DNAH7: variants seen among roughly 807,000 people sequenced by gnomAD.
DNAH7 encodes dynein axonemal heavy chain 7, also known as axonemal beta dynein heavy chain 7.
DNAH7 carries 397 observed loss-of-function variants against 444.6 expected under a neutral mutation model. That is an observed-to-expected ratio of 0.89 (90% CI 0.82 to 0.97). The LOEUF is 0.97. Among genes scored for constraint, DNAH7 ranks in the 50% least tolerant of loss-of-function variants. The pLI is 0.00. For synonymous variants in DNAH7, 1,636 were observed against 1,624.4 expected (o/e 1.01, Z -0.17); for missense variants, 4,902 against 4,800.8 (o/e 1.02, Z -0.62).
intron 5 of DNAH7, among the ~76,000 whole-genome samples, chr2:196,044,735 G>T (rs866137892): frequency 2.6e-5 from 4 of 152,120 alleles, no homozygotes; most frequent in Middle Eastern, 6.8e-3. Context: ...GACCTTTATA[G>T]ACATGAATAT....
chr2:196,016,572 C>G (rs942803970), intron 9 of DNAH7, among the ~76,000 whole-genome samples: 2 of 152,124 alleles, frequency 1.3e-5, no homozygotes, highest in Non-Finnish European at 2.9e-5. Context: ...GATCCTAGCC[C>G]ATTCTCTGAA....
intron 40 of DNAH7, among the ~76,000 whole-genome samples, chr2:195,871,034 A>G (rs980343212): frequency 1.1e-4 from 17 of 152,162 alleles, no homozygotes; most frequent in Non-Finnish European, 1.2e-4. Flanking sequence ...CATTCAGGCA[A>G]TTAGGTAACC....
intron 4 of DNAH7, 123 bp downstream of exon 4, chr2:196,048,173 T>A: frequency 1.3e-6 from 1 of 768,852 alleles, no homozygotes; most frequent in South Asian, 3.1e-5. Context: ...TTGGGAAAAT[T>A]TTTTTCTACT....
rs1692989364 is a variant in DNAH7 at position 195,740,886 on chromosome 2, C to T, written c.11765-17G>A. The T allele has an allele frequency of 7.0e-7, 1 of 1,435,268 alleles. No homozygotes were observed. The highest frequency in any genetic ancestry group is 9.4e-7 in the Non-Finnish European group (1 of 1,061,520). 88.9% of individuals were successfully genotyped at this position (1,435,268 alleles called of 1,614,324 possible). On this transcript the variant is annotated splice_polypyrimidine_tract_variant and intron_variant, in intron 63 of 64. Transcript: ENST00000312428. ...TGAAAACACCTAAATATAAAAGAAA[C>T]ACATTAATATAACACTTGAAATATG... is the stretch of plus-strand genomic sequence containing the variant.
intron 10 of DNAH7, among the ~76,000 whole-genome samples, chr2:196,010,151 CT>C (rs369388805): frequency 0.028 from 4,019 of 145,002 alleles, 106 homozygotes; most frequent in East Asian, 0.07. Flanking sequence ...CTTTCTCTCT[CT>C]TTTTTTTTTT....
chr2:196,048,464 G>T, intron 3 of DNAH7, 60 bp from the exon 4 acceptor site: 2 of 1,381,916 alleles, frequency 1.4e-6, no homozygotes, highest in Non-Finnish European at 2.0e-6. Flanking sequence ...CTTTTTCCAT[G>T]AAATGCACGA....
intron 45 of DNAH7, among the ~76,000 whole-genome samples, chr2:195,853,843 AT>A (rs1186284113): frequency 2.6e-5 from 4 of 152,170 alleles, no homozygotes; most frequent in Non-Finnish European, 5.9e-5. Context: ...AAATATAGAT[AT>A]TTTCCCTCCA....
At chr2:196,004,213 T>C (rs1389070382) in intron 10 of DNAH7, among the ~76,000 whole-genome samples, 1 of 152,116 alleles carries the variant, frequency 6.6e-6, no homozygotes, top group African/African-American at 2.4e-5. Flanking sequence ...CGAGCAGTGG[T>C]TTACAGGCTA....
At chr2:195,920,880 C>T (rs929978996) in intron 24 of DNAH7, among the ~76,000 whole-genome samples, 6 of 152,028 alleles carry the variant, frequency 3.9e-5, no homozygotes, top group Non-Finnish European at 5.9e-5. Flanking sequence ...AAAAAAATAA[C>T]TAATCCCACA....
At chr2:196,064,950 A>G (rs755914327) in intron 1 of DNAH7, among the ~76,000 whole-genome samples, 2 of 152,206 alleles carry the variant, frequency 1.3e-5, no homozygotes, top group Admixed American at 6.5e-5. Context: ...TCATATATAC[A>G]TACATATGTG....
At chr2:195,798,604 C>A (rs796676731) in intron 55 of DNAH7, among the ~76,000 whole-genome samples, 1 of 135,036 alleles carries the variant, frequency 7.4e-6, no homozygotes, top group Admixed American at 8.4e-5. Context: ...AGTGCTATGG[C>A]GTGATCTCGG....
At chr2:196,061,715 G>A (rs1698144272) in intron 1 of DNAH7, among the ~76,000 whole-genome samples, 1 of 152,144 alleles carries the variant, frequency 6.6e-6, no homozygotes, top group Non-Finnish European at 1.5e-5. Flanking sequence ...AGAGATCGGG[G>A]TGGAGAAAAA....
chr2:195,895,263 T>C, intron 29 of DNAH7, 39 bp from the exon 30 acceptor site: 2 of 1,347,386 alleles, frequency 1.5e-6, no homozygotes, highest in Non-Finnish European at 2.0e-6. Context: ...ATTTTATATA[T>C]TTATATTAAA....
At chr2:196,043,533 T>C (rs189809123) in intron 5 of DNAH7, among the ~76,000 whole-genome samples, 2 of 152,100 alleles carry the variant, frequency 1.3e-5, no homozygotes, top group East Asian at 3.9e-4. Context: ...AATCCAAAAG[T>C]ACATGCAACA....
At chr2:195,869,479 T>A (rs1341833655) in intron 40 of DNAH7, among the ~76,000 whole-genome samples, 1 of 151,954 alleles carries the variant, frequency 6.6e-6, no homozygotes, top group Non-Finnish European at 1.5e-5. Flanking sequence ...AACGAATGAA[T>A]TCTACAACAT....
At chr2:195,757,009 G>T (rs979089059) in intron 61 of DNAH7, among the ~76,000 whole-genome samples, 1 of 151,522 alleles carries the variant, frequency 6.6e-6, no homozygotes, top group Non-Finnish European at 1.5e-5. Flanking sequence ...AAAAAAAGTT[G>T]TAGAGATGGG....
At chr2:195,765,542 T>C (rs1160961091) in intron 61 of DNAH7, among the ~76,000 whole-genome samples, 1 of 152,132 alleles carries the variant, frequency 6.6e-6, no homozygotes, top group Non-Finnish European at 1.5e-5. Context: ...AAAACTCTAA[T>C]AATCCAATTT....
intron 12 of DNAH7, among the ~76,000 whole-genome samples, chr2:195,990,524 G>C (rs1031315922): frequency 1.3e-4 from 19 of 151,942 alleles, no homozygotes; most frequent in Non-Finnish European, 1.5e-4. Flanking sequence ...ATTAGTGATA[G>C]TGTACATCTG....
chr2:195,825,649 A>C (rs940223042), intron 48 of DNAH7, among the ~76,000 whole-genome samples: 2 of 152,250 alleles, frequency 1.3e-5, no homozygotes, highest in Non-Finnish European at 2.9e-5. Context: ...ATCAAAGATC[A>C]GTGACATTGT....
Sources: allele counts gnomAD v4.1 joint callset (sites outside exome capture counted in the v4.1 genomes callset), GRCh38; gene constraint gnomAD v4.1.1; transcripts MANE v1.5; gene names NCBI Gene and HGNC (gene_info 2026-07-23, HGNC 2026-07-21).